The following PARD3B variants were observed in gnomAD, a reference collection of about 807,000 sequenced individuals.
The protein encoded by PARD3B is par-3 family cell polarity regulator beta, also known as partitioning defective 3 homolog B.
PARD3B carries 103 observed loss-of-function variants against 130.2 expected under a neutral mutation model. That is an observed-to-expected ratio of 0.79 (90% CI 0.67 to 0.93). PARD3B has a LOEUF of 0.93. Ranked by LOEUF, PARD3B falls within the 40% of genes least tolerant of loss-of-function variation. The pLI is 0.00. For synonymous variants in PARD3B, 583 were observed against 553.2 expected (o/e 1.05, Z -0.76); for missense variants, 1,609 against 1,499.2 (o/e 1.07, Z -1.21).
At chr2:204,671,723 G>A (rs980257478) in intron 1 of PARD3B, among the ~76,000 whole-genome samples, 9 of 152,292 alleles carry the variant, frequency 5.9e-5, no homozygotes, top group African/African-American at 1.9e-4. Flanking sequence ...AACTGTGGAT[G>A]TGTGTTAGCT....
chr2:204,643,929 C>G (rs1473470198), intron 1 of PARD3B, among the ~76,000 whole-genome samples: 1 of 152,184 alleles, frequency 6.6e-6, no homozygotes, highest in Non-Finnish European at 1.5e-5. Flanking sequence ...GCGAGGATGA[C>G]ATCAAAGGCC....
intron 22 of PARD3B, among the ~76,000 whole-genome samples, chr2:205,607,918 G>GTACTCCTT (rs1198435312): frequency 6.6e-6 from 1 of 150,568 alleles, no homozygotes; most frequent in East Asian, 2.0e-4. Context: ...CTCCTTCGTT[G>GTACTCCTT]TACTCCTTGC....
chr2:204,552,650 G>C (rs2030546385), intron 1 of PARD3B, among the ~76,000 whole-genome samples: 1 of 152,168 alleles, frequency 6.6e-6, no homozygotes, highest in Admixed American at 6.5e-5. Flanking sequence ...TTAAATCCTT[G>C]ATCCACTTTG....
chr2:205,016,285 G>A (rs1330255859), intron 3 of PARD3B, among the ~76,000 whole-genome samples: 2 of 152,126 alleles, frequency 1.3e-5, no homozygotes, highest in Non-Finnish European at 2.9e-5. Context: ...AAACCCTTCT[G>A]CACCTGCAAA....
At chr2:205,038,468 A>G (rs916332021) in intron 3 of PARD3B, among the ~76,000 whole-genome samples, 1 of 152,186 alleles carries the variant, frequency 6.6e-6, no homozygotes, top group African/African-American at 2.4e-5. Flanking sequence ...GAGCAAATTT[A>G]TATTGTAAAG....
intron 18 of PARD3B, among the ~76,000 whole-genome samples, chr2:205,370,374 A>T (rs849206): frequency 7.9e-5 from 12 of 152,182 alleles, no homozygotes; most frequent in African/African-American, 1.2e-4. Flanking sequence ...AATTGCAGAA[A>T]GTAGGAGAAT....
intron 2 of PARD3B, among the ~76,000 whole-genome samples, chr2:204,895,245 G>T (rs2046598886): frequency 1.3e-5 from 2 of 152,042 alleles, no homozygotes; most frequent in African/African-American, 4.8e-5. Context: ...GCTGTATATG[G>T]TTTTTGAATC....
intron 22 of PARD3B, among the ~76,000 whole-genome samples, chr2:205,594,905 A>C (rs2106609049): frequency 6.6e-6 from 1 of 152,218 alleles, no homozygotes; most frequent in East Asian, 1.9e-4. Flanking sequence ...TTGGACAATC[A>C]CCTTATACTC....
intron 16 of PARD3B, among the ~76,000 whole-genome samples, chr2:205,290,922 A>G (rs562138691): frequency 6.6e-6 from 1 of 152,208 alleles, no homozygotes; most frequent in Admixed American, 6.5e-5. Context: ...TAGGTCCTCA[A>G]CAGACACTGA....
At chr2:205,613,933 C>T (rs1162824930) in intron 22 of PARD3B, among the ~76,000 whole-genome samples, 1 of 152,204 alleles carries the variant, frequency 6.6e-6, no homozygotes, top group Non-Finnish European at 1.5e-5. Context: ...TGTATTCTCA[C>T]AGCCCTGTCA....
chr2:205,156,750 A>G (rs1401539261), intron 10 of PARD3B, among the ~76,000 whole-genome samples: 2 of 152,190 alleles, frequency 1.3e-5, no homozygotes, highest in Non-Finnish European at 2.9e-5. Context: ...TCAGAAATGA[A>G]GTAGTCAATC....
chr2:205,337,934 G>C (rs1439837108), intron 18 of PARD3B, among the ~76,000 whole-genome samples: 2 of 151,868 alleles, frequency 1.3e-5, no homozygotes, highest in African/African-American at 4.8e-5. Flanking sequence ...TGGATCACCA[G>C]GTCAAGAGTT....
chr2:204,695,148 C>T (rs1333504124), intron 2 of PARD3B, among the ~76,000 whole-genome samples: 1 of 151,942 alleles, frequency 6.6e-6, no homozygotes, highest in Non-Finnish European at 1.5e-5. Flanking sequence ...ATGCCTTTCA[C>T]CATATGTTAC....
intron 2 of PARD3B, among the ~76,000 whole-genome samples, chr2:204,723,020 G>A (rs1275707464): frequency 1.3e-5 from 2 of 152,102 alleles, no homozygotes; most frequent in Non-Finnish European, 2.9e-5. Flanking sequence ...ATCTCTGGGA[G>A]GTGATTGGTT....
chr2:204,630,698 A>G (rs1396263339), intron 1 of PARD3B, among the ~76,000 whole-genome samples: 5 of 152,124 alleles, frequency 3.3e-5, no homozygotes, highest in African/African-American at 7.2e-5. Context: ...ATTTACATTA[A>G]TATCTTAATG....
chr2:205,337,429 A>G (rs1401582799), intron 18 of PARD3B, among the ~76,000 whole-genome samples: 1 of 152,228 alleles, frequency 6.6e-6, no homozygotes, highest in Non-Finnish European at 1.5e-5. Flanking sequence ...TCTGTTGGAA[A>G]GCACATGCAC....
At chr2:204,726,287 A>C (rs1056887273) in intron 2 of PARD3B, among the ~76,000 whole-genome samples, 2 of 152,190 alleles carry the variant, frequency 1.3e-5, no homozygotes, top group Non-Finnish European at 2.9e-5. Flanking sequence ...AGCATCACTA[A>C]TTGAGTATTC....
intron 15 of PARD3B, among the ~76,000 whole-genome samples, chr2:205,200,422 T>A (rs1322000328): frequency 6.6e-6 from 1 of 152,144 alleles, no homozygotes; most frequent in Non-Finnish European, 1.5e-5. Flanking sequence ...CAAAACAGGA[T>A]TTTTTCCTTA....
chr2:204,886,731 A>G (rs1021429315), intron 2 of PARD3B, among the ~76,000 whole-genome samples: 6 of 152,222 alleles, frequency 3.9e-5, no homozygotes, highest in African/African-American at 9.6e-5. Context: ...ACAGAGCCCC[A>G]TAAAAACGAT....
Sources: allele counts gnomAD v4.1 joint callset (sites outside exome capture counted in the v4.1 genomes callset), GRCh38; gene constraint gnomAD v4.1.1; transcripts MANE v1.5; gene names NCBI Gene and HGNC (gene_info 2026-07-23, HGNC 2026-07-21).